GPHN: variants seen among roughly 807,000 people sequenced by gnomAD.
The protein encoded by GPHN is gephyrin.
In GPHN, 17 loss-of-function variants were observed where a neutral mutation model predicts 95.5. That is an observed-to-expected ratio of 0.18 (90% CI 0.12 to 0.27). GPHN has a LOEUF of 0.27. Ranked by LOEUF, GPHN falls within the 10% of genes least tolerant of loss-of-function variation. The pLI is 1.00. For synonymous variants in GPHN, 320 were observed against 322.5 expected (o/e 0.99, Z 0.08); for missense variants, 660 against 978.1 (o/e 0.67, Z 4.34).
chr14:67,279,219 G>T, the GPHN span: 7 of 1,612,136 alleles, frequency 4.3e-6, no homozygotes, highest in Non-Finnish European at 5.9e-6. Context: ...ATCAGACAGC[G>T]AAGTAAAAAA....
At chr14:67,617,667 A>G in the GPHN span, among the ~76,000 whole-genome samples, 1 of 152,234 alleles carries the variant, frequency 6.6e-6, no homozygotes, top group Non-Finnish European at 1.5e-5. Context: ...CACTTTGGAA[A>G]GGTCGGTCTG....
the GPHN span, among the ~76,000 whole-genome samples, chr14:67,300,797 G>C: frequency 6.6e-6 from 1 of 151,998 alleles, no homozygotes; most frequent in Non-Finnish European, 1.5e-5. Context: ...TATGGTGATT[G>C]TTCCATTACA....
rs17103933 is a variant in GPHN, at chr14:67,094,275, G to A, written c.1237+5200G>A. 3.0e-3 allele frequency among the ~76,000 whole-genome samples: 452 copies of A among 152,174 alleles called. 3 individuals are homozygous for A. The highest frequency in any genetic ancestry group is 0.01 in the African/African-American group (434 of 41,522). ...TAACCAGAAATCTTCAAATAAATGGGTGAACAGAACTAAAAGTGTTTTCTG... is the reference window on the plus strand; with the variant it reads ...TAACCAGAAATCTTCAAATAAATGGATGAACAGAACTAAAAGTGTTTTCTG... On this transcript the variant is annotated intron_variant, in intron 12 of 22. Transcript: ENST00000478722.
At chr14:67,137,679 C>T (rs564287689) in intron 17 of GPHN, among the ~76,000 whole-genome samples, 12 of 152,120 alleles carry the variant, frequency 7.9e-5, no homozygotes, top group Admixed American at 5.2e-4. Flanking sequence ...GTGGGAGGAT[C>T]GCTTTAGCCT....
chr14:67,299,543 A>G, the GPHN span, among the ~76,000 whole-genome samples: 2 of 152,228 alleles, frequency 1.3e-5, no homozygotes, highest in African/African-American at 2.4e-5. Context: ...AAAGAACAGT[A>G]CAAGGTCAGG....
At chr14:66,892,465 A>G (rs183080086) in intron 5 of GPHN, among the ~76,000 whole-genome samples, 3 of 152,320 alleles carry the variant, frequency 2.0e-5, no homozygotes, top group East Asian at 1.9e-4. Flanking sequence ...TTGCACGCCA[A>G]TATTCATAAC....
intron 1 of GPHN, among the ~76,000 whole-genome samples, chr14:66,533,612 C>T (rs2059024931): frequency 6.6e-6 from 1 of 152,114 alleles, no homozygotes; most frequent in Non-Finnish European, 1.5e-5. Context: ...ATAACTTATC[C>T]TTAGAAAAGA....
At chr14:67,182,930 C>T (rs1005723771), downstream of GPHN, among the ~76,000 whole-genome samples, 4 of 148,650 alleles carry the variant, frequency 2.7e-5, no homozygotes, top group East Asian at 8.0e-4. Flanking sequence ...ACTACAGCCT[C>T]GAACTCCTGG....
At chr14:67,517,263 C>A in the GPHN span, among the ~76,000 whole-genome samples, 4 of 152,176 alleles carry the variant, frequency 2.6e-5, no homozygotes, top group South Asian at 8.3e-4. Flanking sequence ...TAGCTGTGGC[C>A]GGCGGCTGGC....
rs567543457 is a variant in GPHN, at chr14:66,562,897, G to A, written c.64+54306G>A. 2.7e-4 allele frequency among the ~76,000 whole-genome samples: 41 copies of A among 151,874 alleles called. No individual in the cohort carries two copies. The South Asian group carries it at 3.3e-3, about 12-fold the overall frequency. Reference sequence around the variant, plus strand: ...TGTGTGTGTTTGTGTGTGTGTGTGCGCAAACTTGCCTTTTCTTAATTGACG... The same window carrying A: ...TGTGTGTGTTTGTGTGTGTGTGTGCACAAACTTGCCTTTTCTTAATTGACG... On this transcript the variant is annotated intron_variant, in intron 1 of 22. Transcript: ENST00000478722.
intron 9 of GPHN, among the ~76,000 whole-genome samples, chr14:66,985,997 A>G (rs532533699): frequency 5.9e-5 from 9 of 152,252 alleles, no homozygotes; most frequent in East Asian, 1.9e-4. Context: ...CTGCCTCATT[A>G]CAGGTGCCTA....
chr14:67,588,860 C>T, the GPHN span: 2 of 152,772 alleles, frequency 1.3e-5, no homozygotes, highest in East Asian at 1.9e-4. Context: ...TCCTCTCTCA[C>T]CCCGTAAACT....
the GPHN span, among the ~76,000 whole-genome samples, chr14:67,409,618 G>A: frequency 6.6e-6 from 1 of 152,098 alleles, no homozygotes; most frequent in South Asian, 2.1e-4. Context: ...TGACAGCCAG[G>A]CCCAGTGAGC....
At chr14:66,724,018 CACAA>C (rs1469514336) in intron 2 of GPHN, among the ~76,000 whole-genome samples, 4 of 151,710 alleles carry the variant, frequency 2.6e-5, no homozygotes, top group East Asian at 3.9e-4. Context: ...CACACACACA[CACAA>C]ACAGATTCAA....
chr14:67,430,811 A>C, the GPHN span, among the ~76,000 whole-genome samples: 16 of 152,108 alleles, frequency 1.1e-4, no homozygotes, highest in African/African-American at 3.9e-4. Context: ...ACAAAGCTTA[A>C]CGTCCCATTC....
chr14:66,794,131 C>T (rs1216439554), intron 3 of GPHN, among the ~76,000 whole-genome samples: 2 of 152,166 alleles, frequency 1.3e-5, no homozygotes, highest in Non-Finnish European at 2.9e-5. Flanking sequence ...TCTGTGTCCA[C>T]ACCCAACTCT....
In GPHN at chr14:66,540,219, T is replaced by C. The variant is rs2059307955; in HGVS notation, c.64+31628T>C. 3.3e-5 allele frequency among the ~76,000 whole-genome samples: 5 copies of C among 152,180 alleles called. No homozygotes were observed. The South Asian group carries it at 1.0e-3, about 31-fold the overall frequency. On this transcript the variant is annotated intron_variant, in intron 1 of 22. Transcript: ENST00000478722. ...ACAACTTCTATTTGGGCCATGCTGT[T>C]CTTGTAACAGAGGGAAAAAAGAAAA...
At chr14:66,770,585 C>G (rs184776766) in intron 2 of GPHN, among the ~76,000 whole-genome samples, 1 of 152,228 alleles carries the variant, frequency 6.6e-6, no homozygotes, top group East Asian at 1.9e-4. Flanking sequence ...ACACATATCA[C>G]AGCTTTTTAC....
the GPHN span, chr14:67,691,286 G>C: frequency 7.1e-7 from 1 of 1,407,304 alleles, no homozygotes; most frequent in Admixed American, 1.7e-5. Context: ...GGCTAGCCAA[G>C]GCTATTACAT....
Sources: allele counts gnomAD v4.1 joint callset (sites outside exome capture counted in the v4.1 genomes callset), GRCh38; gene constraint gnomAD v4.1.1; transcripts MANE v1.5; gene names NCBI Gene and HGNC (gene_info 2026-07-23, HGNC 2026-07-21).